DNAH10: variants seen among roughly 807,000 people sequenced by gnomAD.
The protein encoded by DNAH10 is axonemal beta dynein heavy chain 10.
A neutral mutation model predicts 506.6 loss-of-function variants in DNAH10; 348 were observed. The observed-to-expected ratio is 0.69, with a 90% CI of 0.63 to 0.75. DNAH10 has a LOEUF of 0.75. DNAH10 is among the 30% of genes least tolerant of loss of function. The probability of loss-of-function intolerance (pLI) is 0.00; values close to 1 mark genes in which losing one functional copy is unlikely to be tolerated. For synonymous variants in DNAH10, 2,059 were observed against 2,198.6 expected (o/e 0.94, Z 1.78); for missense variants, 5,179 against 5,787.1 (o/e 0.89, Z 3.41).
At chr12:123,887,935 G>A (rs1952812323) in intron 52 of DNAH10, among the ~76,000 whole-genome samples, 1 of 151,998 alleles carries the variant, frequency 6.6e-6, no homozygotes, top group Non-Finnish European at 1.5e-5. Context: ...CAGTAGAGAC[G>A]GGGTTTCACC....
At position 123,901,265 on chromosome 12, in the gene DNAH10, G is replaced by A. The variant is rs535259980; in HGVS notation, c.9641-1674G>A. 4.4e-4 allele frequency among the ~76,000 whole-genome samples: 67 copies of A among 152,248 alleles called. 1 individual carries two copies. Among genetic ancestry groups the A allele is most frequent in the South Asian group, 1.0e-3 (5 of 4,822 alleles). On this transcript the variant is annotated intron_variant, in intron 56 of 78. Transcript: ENST00000673944. ...TGGTGTCCTGTTACCTCTGCACTCC[G>A]TTCCTGCTGGCACCACCCCCCACCC...
At position 123,929,772 on chromosome 12, in the gene DNAH10, G is replaced by T. The variant is rs201991760; in HGVS notation, c.12612+13G>T. On this transcript the variant is annotated intron_variant, in intron 72 of 78. Transcript: ENST00000673944. Reference sequence around the variant, plus strand: ...CCTAATTGGAGAGGTAGGGGTGACCGGGGATCCTTCCGCAGGTGCCTCTGG... The same window carrying T: ...CCTAATTGGAGAGGTAGGGGTGACCTGGGATCCTTCCGCAGGTGCCTCTGG... The T allele has an allele frequency of 6.2e-7, 1 of 1,605,132 alleles. No homozygotes were observed. The highest frequency in any genetic ancestry group is 8.5e-7 in the Non-Finnish European group (1 of 1,175,908).
At chr12:123,802,298 T>C (rs951188783) in intron 16 of DNAH10, among the ~76,000 whole-genome samples, 2 of 152,108 alleles carry the variant, frequency 1.3e-5, no homozygotes, top group African/African-American at 4.8e-5. Flanking sequence ...CATGTTTAGT[T>C]TAAGGTTGTT....
intron 50 of DNAH10, 77 bp from the exon 51 acceptor site, chr12:123,881,548 T>C (rs1238100356): frequency 7.3e-7 from 1 of 1,365,406 alleles, no homozygotes; most frequent in Non-Finnish European, 9.8e-7. Flanking sequence ...ATTCTGGATA[T>C]TAGCCCTTTG....
At chr12:123,835,583 T>C (rs1961050569) in intron 28 of DNAH10, 55 bp downstream of exon 28, 2 of 1,564,754 alleles carry the variant, frequency 1.3e-6, no homozygotes, top group Non-Finnish European at 1.7e-6. Flanking sequence ...TTTGAGATAT[T>C]TGTACCTTTT....
chr12:123,922,333 G>A (rs1324349413), intron 65 of DNAH10, among the ~76,000 whole-genome samples: 3 of 152,170 alleles, frequency 2.0e-5, no homozygotes. Context: ...CCGAGATCGC[G>A]CCACTGCACA....
At chr12:123,829,294 C>T (rs563292235) in intron 25 of DNAH10, among the ~76,000 whole-genome samples, 14 of 152,220 alleles carry the variant, frequency 9.2e-5, no homozygotes, top group African/African-American at 1.2e-4. Context: ...GTGGGGGCAT[C>T]GGCATGGCCT....
chr12:123,796,876 T>TC, intron 13 of DNAH10, 44 bp downstream of exon 13: 1 of 1,508,066 alleles, frequency 6.6e-7, no homozygotes, highest in East Asian at 2.4e-5. Context: ...TATTTGATTT[T>TC]TTTTTTTTTT....
Position 123,866,065 on chromosome 12 carries a change from C to G in DNAH10, c.7159C>G (p.Pro2387Ala), listed in dbSNP as rs1307518761. 1 of 1,603,106 alleles carries G rather than the reference C, an allele frequency of 6.2e-7. No homozygotes were observed. The highest frequency in any genetic ancestry group is 1.3e-5 in the African/African-American group (1 of 74,278). The change falls in exon 41 of 79, where the codon CCA (proline) becomes GCA (alanine). Residue 2387 changes from proline (P) to alanine (A), a missense_variant. This residue lies in a region of DNAH10 where 4,844 missense variants were observed against 5,430.5 expected (regional missense o/e 0.89). Coordinates refer to ENST00000673944, the MANE Select transcript of DNAH10 (RefSeq NM_001372106.1). ...PYWKKWVNQI[P>A]NKVEQYNLNS... Reference sequence around the variant, plus strand: ...CTGGAAAAAATGGGTTAATCAAATACCAAACAAGGTGAAATTTTTTTCTAA... The same window carrying G: ...CTGGAAAAAATGGGTTAATCAAATAGCAAACAAGGTGAAATTTTTTTCTAA...
chr12:123,918,322 G>A (rs929810169), intron 64 of DNAH10, among the ~76,000 whole-genome samples: 1 of 152,210 alleles, frequency 6.6e-6, no homozygotes, highest in African/African-American at 2.4e-5. Context: ...CTTAGGTCAC[G>A]TTTCTACCCC....
intron 37 of DNAH10, among the ~76,000 whole-genome samples, chr12:123,858,383 G>A (rs1044063080): frequency 1.3e-5 from 2 of 152,186 alleles, no homozygotes; most frequent in Non-Finnish European, 1.5e-5. Context: ...TCAGGCCTGG[G>A]CAGTGGGCAC....
In DNAH10 at chr12:123,801,376, A is replaced by G. The variant is rs1258578668; in HGVS notation, c.2558A>G (p.Gln853Arg). 3 of 1,614,106 alleles carry G rather than the reference A, an allele frequency of 1.9e-6. No homozygotes were observed. The highest frequency in any genetic ancestry group is 2.5e-6 in the Non-Finnish European group (3 of 1,180,044). ...TCTGTGCTTCTCAAAGATCATTCCC[A>G]GGAACTGCTCCGAGTGTTTAGGTCG... is the stretch of plus-strand genomic sequence containing the variant. Reference protein sequence around the residue: ...AESVLLKDHSQELLRVFRSGY... With the variant: ...AESVLLKDHSRELLRVFRSGY... The change falls in exon 16 of 79, where the codon CAG becomes CGG. Residue 853 changes from glutamine to arginine, a missense_variant. Physicochemically the swap from Gln to Arg is conservative, Grantham distance 43 (BLOSUM62 1). This residue lies in a region of DNAH10 where 4,844 missense variants were observed against 5,430.5 expected (regional missense o/e 0.89). Transcript: ENST00000673944.
chr12:123,805,134 T>C, intron 18 of DNAH10, 94 bp downstream of exon 18: 12 of 1,320,302 alleles, frequency 9.1e-6, no homozygotes, highest in Non-Finnish European at 1.2e-5. Context: ...AGGTAGAGAA[T>C]GAAAATCAGT....
At chr12:123,814,745 C>G (rs1180812588) in intron 21 of DNAH10, among the ~76,000 whole-genome samples, 1 of 151,406 alleles carries the variant, frequency 6.6e-6, no homozygotes, top group Non-Finnish European at 1.5e-5. Context: ...CTCCCGAGTA[C>G]CTGGGACTAC....
intron 6 of DNAH10, 124 bp downstream of exon 6, chr12:123,781,423 C>A: frequency 1.1e-6 from 1 of 933,264 alleles, no homozygotes; most frequent in Non-Finnish European, 1.6e-6. Context: ...TTTGTGGAGA[C>A]GGGGTCTCAC....
In DNAH10 at chr12:123,903,003, T is replaced by C; in HGVS notation, c.9705T>C (p.Ile3235=). ...AMEIEEQNKV[I]AMEKAEAETT... ...AGATAGAGGAGCAGAACAAAGTCAT[T>C]GCCATGGAGAAGGCCGAGGCCGAGA... Residue 3235 remains isoleucine, a synonymous_variant, in exon 57 of 79, where the codon ATT becomes ATC. Coordinates refer to ENST00000673944, the MANE Select transcript of DNAH10 (RefSeq NM_001372106.1). This position sits in a 1 kb window ranked among gnomAD's most constrained non-coding sequence, Gnocchi z 4.6. 6.2e-7 allele frequency: 1 copy of C among 1,600,152 alleles called. No homozygotes were observed. The highest frequency in any genetic ancestry group is 8.5e-7 in the Non-Finnish European group (1 of 1,173,484).
intron 45 of DNAH10, 123 bp downstream of exon 45, chr12:123,871,725 T>C: frequency 8.5e-7 from 1 of 1,179,876 alleles, no homozygotes; most frequent in Non-Finnish European, 1.2e-6. Flanking sequence ...GGGAGTGACT[T>C]ACCTGGGAGC....
chr12:123,864,462 A>C, intron 39 of DNAH10, 133 bp from the exon 40 acceptor site: 3 of 1,239,922 alleles, frequency 2.4e-6, no homozygotes, highest in Non-Finnish European at 3.2e-6. Flanking sequence ...TGGGCCAACT[A>C]GGGTGCTCTG....
At chr12:123,848,369 T>C (rs140187346) in intron 33 of DNAH10, among the ~76,000 whole-genome samples, 1 of 152,156 alleles carries the variant, frequency 6.6e-6, no homozygotes, top group Non-Finnish European at 1.5e-5. Context: ...AGTGGTGGGA[T>C]CTGTGGCTAA....
Sources: allele counts gnomAD v4.1 joint callset (sites outside exome capture counted in the v4.1 genomes callset), GRCh38; gene constraint gnomAD v4.1.1; regional missense constraint gnomAD v4.1.1; non-coding constraint Gnocchi (gnomAD v3.1); transcripts MANE v1.5; gene names NCBI Gene and HGNC (gene_info 2026-07-23, HGNC 2026-07-21).